The following EPB41L4A variants were observed in gnomAD, a reference collection of about 807,000 sequenced individuals.
The protein encoded by EPB41L4A is erythrocyte membrane protein band 4.1 like 4A.
Under a neutral mutation model 108.6 loss-of-function variants are expected in EPB41L4A, and 100 were observed. The observed-to-expected ratio is 0.92, with a 90% CI of 0.78 to 1.09. The LOEUF is 1.09. Among genes scored for constraint, EPB41L4A ranks in the 50% least tolerant of loss-of-function variants. EPB41L4A has a pLI of 0.00. For synonymous variants in EPB41L4A, 319 were observed against 289.0 expected (o/e 1.10, Z -1.05); for missense variants, 1,030 against 842.7 (o/e 1.22, Z -2.75).
rs1317911184 is a variant in EPB41L4A, at chr5:112,170,304, A to G, written c.1736T>C (p.Ile579Thr). The G allele has an allele frequency of 4.3e-6, 7 of 1,613,084 alleles. No individual in the cohort carries two copies. The highest frequency in any genetic ancestry group is 1.1e-5 in the South Asian group (1 of 90,984). Reference sequence around the variant, plus strand: ...GAAGATTCTGAAAGGCACTCACTCTATTTTAGTGTATGGAATCTCTTTTAA... The same window carrying G: ...GAAGATTCTGAAAGGCACTCACTCTGTTTTAGTGTATGGAATCTCTTTTAA... The part of the protein sequence containing the change: ...EQLKEIPYTK[I>T]ETQGDPIRIR... Residue 579 changes from isoleucine to threonine, a missense_variant, in exon 20 of 23, where the codon ATA becomes ACA. Coordinates refer to ENST00000261486, the MANE Select transcript of EPB41L4A (RefSeq NM_022140.5).
chr5:112,194,388 G>A (rs1300795595), intron 17 of EPB41L4A, among the ~76,000 whole-genome samples, 180 bp downstream of exon 17: 1 of 152,044 alleles, frequency 6.6e-6, no homozygotes, highest in African/African-American at 2.4e-5. Context: ...ATCTTATTGT[G>A]AAGATAAGAA....
chr5:112,318,618 T>G (rs924664701), intron 1 of EPB41L4A, among the ~76,000 whole-genome samples: 2 of 152,172 alleles, frequency 1.3e-5, no homozygotes, highest in Non-Finnish European at 2.9e-5. Flanking sequence ...TGGAGAGAAG[T>G]TGCCCAGCCA....
intron 11 of EPB41L4A, among the ~76,000 whole-genome samples, chr5:112,237,873 G>A (rs1407409771): frequency 6.6e-6 from 1 of 152,080 alleles, no homozygotes. Context: ...AGACTTACTA[G>A]GCAGTTAACA....
intron 12 of EPB41L4A, among the ~76,000 whole-genome samples, chr5:112,226,505 A>G (rs1348687516): frequency 6.6e-6 from 1 of 152,200 alleles, no homozygotes; most frequent in Non-Finnish European, 1.5e-5. Flanking sequence ...AAATAGGGGA[A>G]ACCACCTTAC....
chr5:112,161,775 G>A (rs1219070566), downstream of EPB41L4A: 5 of 380,594 alleles, frequency 1.3e-5, no homozygotes, highest in Admixed American at 1.0e-4. Flanking sequence ...GTGACCTGAA[G>A]GTAGGGTGAT....
chr5:112,253,200 G>A (rs1043130410), intron 9 of EPB41L4A, among the ~76,000 whole-genome samples: 2 of 152,148 alleles, frequency 1.3e-5, no homozygotes, highest in African/African-American at 4.8e-5. Context: ...ACACTGTAAT[G>A]AGTGATCAAA....
intron 1 of EPB41L4A, among the ~76,000 whole-genome samples, chr5:112,348,603 G>C (rs1757836523): frequency 6.6e-6 from 1 of 152,114 alleles, no homozygotes; most frequent in Non-Finnish European, 1.5e-5. Flanking sequence ...TGAGCTCACG[G>C]CAAATCTGCA....
At chr5:112,387,767 T>A (rs1049924443) in intron 1 of EPB41L4A, among the ~76,000 whole-genome samples, 1 of 152,212 alleles carries the variant, frequency 6.6e-6, no homozygotes, top group Non-Finnish European at 1.5e-5. Context: ...ACATTATCTG[T>A]AAAAGAGATT....
At chr5:112,276,744 C>T (rs1752652980) in intron 3 of EPB41L4A, among the ~76,000 whole-genome samples, 2 of 152,116 alleles carry the variant, frequency 1.3e-5, no homozygotes, top group African/African-American at 4.8e-5. Context: ...ATAAAGGTAT[C>T]ATGTATTTAT....
chr5:112,186,370 C>T (rs2150242140), intron 17 of EPB41L4A, among the ~76,000 whole-genome samples: 1 of 152,290 alleles, frequency 6.6e-6, no homozygotes, highest in East Asian at 1.9e-4. Flanking sequence ...TACCCTCATA[C>T]TCAGACTTCA....
chr5:112,241,393 A>C (rs1423892587), intron 9 of EPB41L4A, among the ~76,000 whole-genome samples: 1 of 152,234 alleles, frequency 6.6e-6, no homozygotes, highest in Admixed American at 6.5e-5. Flanking sequence ...ATATCATATA[A>C]TAGGTGTATA....
At chr5:112,268,613 G>A (rs147265357) in intron 4 of EPB41L4A, among the ~76,000 whole-genome samples, 2,812 of 152,054 alleles carry the variant, frequency 0.018, 42 homozygotes, top group Non-Finnish European at 0.028. Flanking sequence ...ATTTTGGGAG[G>A]CTGTGGAAAG....
At chr5:112,197,052 C>T (rs1241238648) in intron 15 of EPB41L4A, 2 of 152,210 alleles carry the variant, frequency 1.3e-5, no homozygotes. Context: ...GTCCCTCCAC[C>T]AGTGCTTTGT....
chr5:112,365,622 C>A (rs1434075428), intron 1 of EPB41L4A, among the ~76,000 whole-genome samples: 1 of 152,126 alleles, frequency 6.6e-6, no homozygotes, highest in Non-Finnish European at 1.5e-5. Flanking sequence ...ACTAAGGAAC[C>A]AACACTGGCA....
chr5:112,230,758 G>A (rs772565015), intron 12 of EPB41L4A, among the ~76,000 whole-genome samples: 7 of 152,028 alleles, frequency 4.6e-5, no homozygotes, highest in Non-Finnish European at 1.0e-4. Flanking sequence ...TTTTGTTTTT[G>A]TTGCATTTGT....
intron 1 of EPB41L4A, among the ~76,000 whole-genome samples, chr5:112,353,990 A>G (rs1758215228): frequency 6.6e-6 from 1 of 152,176 alleles, no homozygotes; most frequent in Non-Finnish European, 1.5e-5. Context: ...AAGTTTCCAG[A>G]CACAGGCAAC....
chr5:112,149,558 GA>G (rs1759388144), intron 12 of EPB41L4A, among the ~76,000 whole-genome samples: 1 of 152,122 alleles, frequency 6.6e-6, no homozygotes, highest in Admixed American at 6.5e-5. Flanking sequence ...CTTGTTAGTT[GA>G]AAAAGCAGGA....
At chr5:112,332,193 GAGA>G (rs1235838400) in intron 1 of EPB41L4A, among the ~76,000 whole-genome samples, 2 of 152,222 alleles carry the variant, frequency 1.3e-5, no homozygotes, top group Non-Finnish European at 2.9e-5. Context: ...TAAGGATAGT[GAGA>G]AGAATAAAAC....
At chr5:112,309,252 G>A (rs1561559102) in intron 1 of EPB41L4A, among the ~76,000 whole-genome samples, 1 of 152,064 alleles carries the variant, frequency 6.6e-6, no homozygotes, top group Non-Finnish European at 1.5e-5. Context: ...TATCTCATGG[G>A]TTACTCCAGA....
Sources: gnomAD v4.1 joint callset for allele counts (sites outside exome capture counted in the v4.1 genomes callset) on GRCh38, gnomAD v4.1.1 for gene constraint, MANE v1.5 for transcripts, NCBI Gene and HGNC (gene_info 2026-07-23, HGNC 2026-07-21) for gene names.